The following ZC3H12B variants were observed in gnomAD, a reference collection of about 807,000 sequenced individuals.
ZC3H12B encodes the protein zinc finger CCCH-type containing 12B.
Under a neutral mutation model 43.9 loss-of-function variants are expected in ZC3H12B, and 7 were observed. The ratio of observed to expected loss-of-function variants is 0.16; its 90% CI spans 0.09 to 0.30. The LOEUF is 0.30. Among genes scored for constraint, ZC3H12B ranks in the 10% least tolerant of loss-of-function variants. The pLI is 1.00. For missense variants in ZC3H12B, 475 were observed against 670.2 expected, an observed-to-expected ratio of 0.71 and a Z score of 3.22; for synonymous variants, 222 against 241.7, an observed-to-expected ratio of 0.92 and a Z score of 0.76.
At chrX:65,251,733 G>T in the ZC3H12B span, among the ~76,000 whole-genome samples, 1 of 110,177 alleles carries the variant, frequency 9.1e-6, no homozygotes, top group African/African-American at 3.3e-5. Flanking sequence ...TGATTTGGCT[G>T]TTTGTCTGTT....
chrX:65,395,162 A>G (rs769613249), intron 2 of ZC3H12B, among the ~76,000 whole-genome samples: 2 of 111,958 alleles, frequency 1.8e-5, no homozygotes, highest in East Asian at 5.6e-4. Context: ...AACAGAGACA[A>G]TTTGACTTCC....
chrX:65,244,243 T>C, the ZC3H12B span, among the ~76,000 whole-genome samples: 2 of 111,013 alleles, frequency 1.8e-5, no homozygotes, highest in Non-Finnish European at 3.8e-5. Flanking sequence ...CCCCAAAATA[T>C]TTATGGCTAT....
At chrX:65,067,977 A>G in the ZC3H12B span, among the ~76,000 whole-genome samples, 1 of 109,879 alleles carries the variant, frequency 9.1e-6, no homozygotes, top group East Asian at 2.9e-4. Context: ...TTTTTTTCTT[A>G]ATTTCTTCAT....
upstream of ZC3H12B, among the ~76,000 whole-genome samples, chrX:65,485,104 G>A (rs942954173): frequency 1.8e-5 from 2 of 112,121 alleles, no homozygotes; most frequent in Non-Finnish European, 3.8e-5. Context: ...TCTTCCACAC[G>A]TGGCTATCTG....
chrX:65,418,596 G>A (rs1244910366), intron 3 of ZC3H12B, among the ~76,000 whole-genome samples: 1 of 111,780 alleles, frequency 8.9e-6, no homozygotes, highest in Non-Finnish European at 1.9e-5. Flanking sequence ...GCAACAATCA[G>A]AATAGCCTGA....
chrX:65,173,224 T>C, the ZC3H12B span, among the ~76,000 whole-genome samples: 4 of 112,068 alleles, frequency 3.6e-5, no homozygotes, highest in Admixed American at 3.8e-4. Context: ...TGTCTGCTTA[T>C]CTATTGTTGG....
At chrX:65,401,050 G>A (rs765932766) in intron 3 of ZC3H12B, among the ~76,000 whole-genome samples, 45 of 106,063 alleles carry the variant, frequency 4.2e-4, no homozygotes, top group South Asian at 8.5e-4. Context: ...TGTCACCCTC[G>A]CAAGGACATC....
At chrX:65,493,871 CA>C (rs774611109) in intron 1 of ZC3H12B, among the ~76,000 whole-genome samples, 3 of 110,204 alleles carry the variant, frequency 2.7e-5, no homozygotes, top group African/African-American at 6.6e-5. Context: ...TCTTTTTTTT[CA>C]AAAAAAATTA....
chrX:65,435,227 A>T (rs2067206084), intron 3 of ZC3H12B, among the ~76,000 whole-genome samples: 2 of 112,107 alleles, frequency 1.8e-5, no homozygotes, highest in South Asian at 7.4e-4. Flanking sequence ...TAGATTATTT[A>T]TACAGTGCTT....
the ZC3H12B span, among the ~76,000 whole-genome samples, chrX:65,129,558 A>T: frequency 9.1e-6 from 1 of 110,157 alleles, no homozygotes; most frequent in East Asian, 2.9e-4. Flanking sequence ...TCACAAGGTA[A>T]TGTCGTCAGT....
At chrX:65,268,339 A>T in the ZC3H12B span, among the ~76,000 whole-genome samples, 1 of 111,824 alleles carries the variant, frequency 8.9e-6, no homozygotes, top group African/African-American at 3.2e-5. Context: ...TCAAAGAAGA[A>T]TTGTTACCAA....
chrX:65,190,297 A>G, the ZC3H12B span, among the ~76,000 whole-genome samples: 1 of 110,735 alleles, frequency 9.0e-6, no homozygotes, highest in Admixed American at 9.6e-5. Flanking sequence ...TTTTGGTTCC[A>G]TATGAACTTT....
chrX:65,487,232 T>C (rs1206238895), upstream of ZC3H12B, among the ~76,000 whole-genome samples: 1 of 112,806 alleles, frequency 8.9e-6, no homozygotes, highest in Non-Finnish European at 1.9e-5. Flanking sequence ...CATTAGAGGT[T>C]TTTCTTGTTT....
the ZC3H12B span, among the ~76,000 whole-genome samples, chrX:65,067,977 A>T: frequency 9.1e-6 from 1 of 109,879 alleles, no homozygotes; most frequent in South Asian, 3.8e-4. Flanking sequence ...TTTTTTTCTT[A>T]ATTTCTTCAT....
intron 2 of ZC3H12B, among the ~76,000 whole-genome samples, chrX:65,387,038 C>G (rs999407970): frequency 1.8e-5 from 2 of 111,813 alleles, no homozygotes; most frequent in Admixed American, 9.5e-5. Context: ...TGTTCTTTTA[C>G]ATGTGCTGAG....
rs748604894 is a variant in ZC3H12B at position 65,372,906 on chromosome X, C to T, written n.295+3908C>T. On this transcript the variant is annotated intron_variant and non_coding_transcript_variant, in intron 2 of 5. Transcript: ENST00000617377. ...GACTGAAAAAGAAAAAATAGCATGT[C>T]AGTAGTAAAATACATAAAACTGACT... Among the ~76,000 whole-genome samples the T allele has an allele frequency of 1.9e-3, 217 of 112,014 alleles. 1 individual carries two copies. The highest frequency in any genetic ancestry group is 6.7e-3 in the African/African-American group (206 of 30,913).
At chrX:65,096,063 G>T in the ZC3H12B span, among the ~76,000 whole-genome samples, 7 of 111,398 alleles carry the variant, frequency 6.3e-5, no homozygotes, top group East Asian at 2.0e-3. Context: ...AGTTAGATAT[G>T]GCAGAAATAT....
At chrX:65,465,294 A>G (rs1443906552) in intron 3 of ZC3H12B, among the ~76,000 whole-genome samples, 3 of 111,514 alleles carry the variant, frequency 2.7e-5, no homozygotes, top group Non-Finnish European at 5.7e-5. Flanking sequence ...TACTAGGTAC[A>G]TATATATTTA....
the ZC3H12B span, among the ~76,000 whole-genome samples, chrX:65,044,574 G>A: frequency 2.2e-3 from 246 of 111,438 alleles, no homozygotes; most frequent in Non-Finnish European, 3.3e-3. Context: ...GCTTCCACAT[G>A]GAAAGAGCAA....
Sources: allele counts gnomAD v4.1 joint callset (sites outside exome capture counted in the v4.1 genomes callset), GRCh38; gene constraint gnomAD v4.1.1; transcripts MANE v1.5; gene names NCBI Gene and HGNC (gene_info 2026-07-23, HGNC 2026-07-21).